The following TEX11 variants were observed in gnomAD, a reference collection of about 807,000 sequenced individuals.
TEX11 encodes testis-expressed protein 11.
In TEX11, 7 loss-of-function variants were observed where a neutral mutation model predicts 84.4. The observed-to-expected ratio is 0.08, with a 90% CI of 0.05 to 0.16. The LOEUF (loss-of-function observed/expected upper bound fraction) is 0.16. Among genes scored for constraint, TEX11 ranks in the 10% least tolerant of loss-of-function variants. TEX11 has a pLI of 1.00. For synonymous variants in TEX11, 264 were observed against 222.8 expected, an observed-to-expected ratio of 1.18 and a Z score of -1.64; for missense variants, 551 against 660.5, an observed-to-expected ratio of 0.83 and a Z score of 1.82.
intron 25 of TEX11, among the ~76,000 whole-genome samples, chrX:70,587,646 G>A (rs1283594417): frequency 8.9e-6 from 1 of 112,390 alleles, no homozygotes; most frequent in Non-Finnish European, 1.9e-5. Context: ...TGCTAGGGTA[G>A]TGAGGAAGGG....
At chrX:70,540,382 C>G (rs1457563414) in intron 28 of TEX11, among the ~76,000 whole-genome samples, 1 of 111,896 alleles carries the variant, frequency 8.9e-6, no homozygotes, top group African/African-American at 3.2e-5. Flanking sequence ...CCATCCATCT[C>G]CAGAACCAGT....
intron 7 of TEX11, among the ~76,000 whole-genome samples, chrX:70,836,790 G>A (rs903642362): frequency 8.9e-6 from 1 of 112,097 alleles, no homozygotes; most frequent in African/African-American, 3.2e-5. Flanking sequence ...GCCTAGGTGG[G>A]TGGATCACCT....
intron 9 of TEX11, among the ~76,000 whole-genome samples, chrX:70,778,551 T>C (rs1202695171): frequency 9.0e-6 from 1 of 111,499 alleles, no homozygotes; most frequent in Non-Finnish European, 1.9e-5. Context: ...ACCTCCCAGA[T>C]GCAAGCAACC....
intron 11 of TEX11, among the ~76,000 whole-genome samples, chrX:70,736,938 T>C (rs1395821712): frequency 8.9e-6 from 1 of 111,750 alleles, no homozygotes; most frequent in Non-Finnish European, 1.9e-5. Context: ...CTCAATAAGA[T>C]TTATAGTATT....
At chrX:70,719,484 C>A (rs1257722627) in intron 13 of TEX11, among the ~76,000 whole-genome samples, 5 of 111,395 alleles carry the variant, frequency 4.5e-5, no homozygotes, top group Non-Finnish European at 9.4e-5. Context: ...CAGAAAACAC[C>A]AAAAACAATG....
At chrX:70,592,558 G>T (rs2088947392) in intron 24 of TEX11, among the ~76,000 whole-genome samples, 1 of 111,523 alleles carries the variant, frequency 9.0e-6, no homozygotes, top group Admixed American at 9.6e-5. Context: ...AGGATCCTGG[G>T]TCTCAATCTC....
chrX:70,546,430 T>C (rs1003608924), intron 28 of TEX11, among the ~76,000 whole-genome samples: 3 of 111,505 alleles, frequency 2.7e-5, no homozygotes, highest in African/African-American at 9.8e-5. Flanking sequence ...GCTCTTCAAA[T>C]GATACCCTTA....
intron 17 of TEX11, among the ~76,000 whole-genome samples, chrX:70,647,677 AAAT>A (rs2089759556): frequency 1.8e-5 from 2 of 111,047 alleles, no homozygotes; most frequent in African/African-American, 6.6e-5. Context: ...AAAAAATAAA[AAAT>A]AAAAAAAGGA....
intron 2 of TEX11, among the ~76,000 whole-genome samples, chrX:70,907,124 T>G (rs1260625261): frequency 8.9e-6 from 1 of 112,155 alleles, no homozygotes; most frequent in African/African-American, 3.2e-5. Flanking sequence ...ATATAATTTA[T>G]TTTTCACGGA....
chrX:70,679,862 C>A (rs1292053050), intron 14 of TEX11, among the ~76,000 whole-genome samples: 1 of 98,388 alleles, frequency 1.0e-5, no homozygotes, highest in East Asian at 3.4e-4. Context: ...GCCAGCCGCC[C>A]CGTCCGGGAG....
intron 7 of TEX11, among the ~76,000 whole-genome samples, chrX:70,840,772 G>C (rs1035893346): frequency 2.7e-5 from 3 of 111,636 alleles, no homozygotes; most frequent in East Asian, 2.8e-4. Flanking sequence ...TCAAAATAAA[G>C]GGATGGAGGA....
intron 28 of TEX11, among the ~76,000 whole-genome samples, chrX:70,544,543 T>C (rs1210960229): frequency 9.0e-6 from 1 of 110,499 alleles, no homozygotes; most frequent in Non-Finnish European, 1.9e-5. Context: ...TAAATATAAA[T>C]TGACCTTGTC....
intron 24 of TEX11, among the ~76,000 whole-genome samples, chrX:70,596,780 G>A (rs1185987296): frequency 9.0e-6 from 1 of 110,572 alleles, no homozygotes; most frequent in Admixed American, 9.7e-5. Context: ...ATTTGAGTGG[G>A]AATTAATGAA....
intron 2 of TEX11, among the ~76,000 whole-genome samples, chrX:70,898,838 C>T (rs1261697728): frequency 2.7e-5 from 3 of 111,184 alleles, no homozygotes; most frequent in Non-Finnish European, 5.7e-5. Flanking sequence ...ATCTCCTGAC[C>T]TCATGATCCA....
intron 11 of TEX11, among the ~76,000 whole-genome samples, chrX:70,731,592 A>T (rs1239324437): frequency 8.9e-6 from 1 of 111,747 alleles, no homozygotes; most frequent in Non-Finnish European, 1.9e-5. Flanking sequence ...CACCCTCCCA[A>T]GACTAAACCA....
chrX:70,662,403 A>G (rs189172816), intron 16 of TEX11, among the ~76,000 whole-genome samples: 2 of 112,127 alleles, frequency 1.8e-5, no homozygotes, highest in African/African-American at 6.5e-5. Flanking sequence ...TGTACCTGAA[A>G]GTGACGGGGA....
chrX:70,643,692 T>C (rs866708255), intron 17 of TEX11, among the ~76,000 whole-genome samples: 37 of 104,181 alleles, frequency 3.6e-4, no homozygotes, highest in East Asian at 9.2e-4. Context: ...ATTTAATAAA[T>C]GGTGCTGGGA....
intron 25 of TEX11, among the ~76,000 whole-genome samples, chrX:70,570,457 G>A (rs111634472): frequency 5.4e-5 from 6 of 112,137 alleles, no homozygotes; most frequent in East Asian, 2.8e-4. Context: ...AGATGAACCC[G>A]GTACCTCAGA....
intron 11 of TEX11, among the ~76,000 whole-genome samples, chrX:70,732,686 T>C (rs1220268260): frequency 9.0e-6 from 1 of 111,229 alleles, no homozygotes; most frequent in African/African-American, 3.3e-5. Context: ...TCCATGCTCA[T>C]GGGTAGGAAG....
Sources: allele counts gnomAD v4.1 joint callset (sites outside exome capture counted in the v4.1 genomes callset), GRCh38; gene constraint gnomAD v4.1.1; transcripts MANE v1.5; gene names NCBI Gene and HGNC (gene_info 2026-07-23, HGNC 2026-07-21).